The following ARHGAP32 variants were observed in gnomAD, a reference collection of about 807,000 sequenced individuals.
The protein encoded by ARHGAP32 is rho GTPase-activating protein 32.
ARHGAP32 carries 51 observed loss-of-function variants against 186.5 expected under a neutral mutation model. The ratio of observed to expected loss-of-function variants is 0.27; its 90% CI spans 0.22 to 0.35. The LOEUF is 0.35. Among genes scored for constraint, ARHGAP32 ranks in the 10% least tolerant of loss-of-function variants. The probability of loss-of-function intolerance (pLI) is 1.00; values close to 1 mark genes in which losing one functional copy is unlikely to be tolerated. For synonymous variants in ARHGAP32, 950 were observed against 964.3 expected, an observed-to-expected ratio of 0.99 and a Z score of 0.27; for missense variants, 2,186 against 2,623.5, an observed-to-expected ratio of 0.83 and a Z score of 3.64.
intron 2 of ARHGAP32, among the ~76,000 whole-genome samples, chr11:129,159,722 G>T (rs941390692): frequency 2.0e-5 from 3 of 152,100 alleles, no homozygotes; most frequent in Non-Finnish European, 4.4e-5. Flanking sequence ...CTCATTTCAT[G>T]AGGCCAACAT....
At chr11:129,082,877 A>C (rs1002818086) in intron 6 of ARHGAP32, among the ~76,000 whole-genome samples, 6 of 151,882 alleles carry the variant, frequency 4.0e-5, no homozygotes, top group African/African-American at 1.5e-4. Flanking sequence ...TAAATCAGCA[A>C]GACAAAACAA....
At chr11:129,229,990 ATTTTT>A (rs1944836564) in intron 1 of ARHGAP32, among the ~76,000 whole-genome samples, 1 of 151,712 alleles carries the variant, frequency 6.6e-6, no homozygotes, top group Non-Finnish European at 1.5e-5. Flanking sequence ...AATTTTTGTA[ATTTTT>A]ATAGAGACAA....
intron 1 of ARHGAP32, among the ~76,000 whole-genome samples, chr11:129,167,033 G>A (rs916451421): frequency 2.6e-5 from 4 of 151,918 alleles, no homozygotes; most frequent in East Asian, 1.9e-4. Context: ...CTAGAAGAAC[G>A]AGAAATAAAT....
chr11:129,130,124 G>A (rs1942776206), intron 2 of ARHGAP32, among the ~76,000 whole-genome samples: 1 of 152,068 alleles, frequency 6.6e-6, no homozygotes, highest in Non-Finnish European at 1.5e-5. Flanking sequence ...AAGACAAAGT[G>A]CCACTGGAGT....
At chr11:129,121,626 A>G (rs1942533087) in intron 5 of ARHGAP32, among the ~76,000 whole-genome samples, 1 of 152,024 alleles carries the variant, frequency 6.6e-6, no homozygotes, top group African/African-American at 2.4e-5. Context: ...TCTCACTCAT[A>G]CACCTCATAC....
At chr11:129,084,854 CT>C (rs756897691) in intron 6 of ARHGAP32, among the ~76,000 whole-genome samples, 7 of 152,170 alleles carry the variant, frequency 4.6e-5, no homozygotes, top group Admixed American at 3.9e-4. Flanking sequence ...AGGAATAAAA[CT>C]TTGTTTGCAG....
intron 11 of ARHGAP32, among the ~76,000 whole-genome samples, chr11:129,010,883 T>C (rs1272752896): frequency 6.6e-6 from 1 of 152,192 alleles, no homozygotes; most frequent in Non-Finnish European, 1.5e-5. Context: ...ATGAAAATAA[T>C]TGTCAAATTT....
At chr11:129,203,227 T>A (rs1259391471) in intron 1 of ARHGAP32, among the ~76,000 whole-genome samples, 3 of 151,296 alleles carry the variant, frequency 2.0e-5, no homozygotes, top group Non-Finnish European at 4.4e-5. Flanking sequence ...TAAGCAACCA[T>A]CTTATCAGTC....
In ARHGAP32 at chr11:128,970,510, C is replaced by G. The variant is rs566484718; in HGVS notation, c.4703G>C (p.Arg1568Pro). 3 of 1,614,094 alleles carry G rather than the reference C, an allele frequency of 1.9e-6. No individual in the cohort carries two copies. Among genetic ancestry groups the G allele is most frequent in the Non-Finnish European group, 2.5e-6 (3 of 1,180,000 alleles). ...GCTCAAAGAAGACACATACTCGACC[C>G]GGCTGCATGGCTTGGAGTGGTGTCC... is the stretch of plus-strand genomic sequence containing the variant. ...ASGHHSKPCS[R>P]VEYVSSLSSS... The change falls in exon 23 of 23, where the codon CGG becomes CCG. Residue 1568 changes from arginine to proline, a missense_variant. Transcript: ENST00000682385. The surrounding 1 kb of genome is among the most constrained non-coding windows in gnomAD (Gnocchi z 5.8).
At chr11:128,994,496 T>C (rs1054221963) in intron 12 of ARHGAP32, among the ~76,000 whole-genome samples, 5 of 152,128 alleles carry the variant, frequency 3.3e-5, no homozygotes, top group Non-Finnish European at 7.4e-5. Flanking sequence ...AGGTTTAACA[T>C]GTTACATGGT....
In ARHGAP32 at chr11:129,253,426, C is replaced by G. The variant is rs187575397; in HGVS notation, c.-5+25720G>C. On this transcript the variant is annotated intron_variant, in intron 1 of 6. Transcript: ENST00000525234. ...TTTATTTTAGATGCTCTTGTTTCCACAAGCACTCATAAACAGAGCCACAAT... is the reference window on the plus strand; with the variant it reads ...TTTATTTTAGATGCTCTTGTTTCCAGAAGCACTCATAAACAGAGCCACAAT... 2.0e-5 allele frequency among the ~76,000 whole-genome samples: 3 copies of G among 152,248 alleles called. No individual in the cohort carries two copies. The East Asian group carries it at 5.8e-4, about 29-fold the overall frequency.
intron 1 of ARHGAP32, among the ~76,000 whole-genome samples, chr11:129,216,099 C>T (rs1474589480): frequency 6.6e-6 from 1 of 152,090 alleles, no homozygotes; most frequent in African/African-American, 2.4e-5. Flanking sequence ...CGAGCACAAC[C>T]CTGCCCACAC....
intron 8 of ARHGAP32, 38 bp downstream of exon 8, chr11:129,064,803 A>T: frequency 6.9e-7 from 1 of 1,448,524 alleles, no homozygotes; most frequent in Non-Finnish European, 9.5e-7. Context: ...TAGATAATTT[A>T]AATATACATT....
chr11:128,986,317 G>C (rs1207315449), intron 14 of ARHGAP32, among the ~76,000 whole-genome samples: 1 of 152,178 alleles, frequency 6.6e-6, no homozygotes, highest in Admixed American at 6.5e-5. Context: ...AGTGTGACAA[G>C]ACTAGCAGCT....
chr11:129,133,162 A>G (rs1374916713), intron 2 of ARHGAP32, among the ~76,000 whole-genome samples: 1 of 152,142 alleles, frequency 6.6e-6, no homozygotes, highest in African/African-American at 2.4e-5. Flanking sequence ...AGGAAGAGTG[A>G]CAGAGAAAAG....
intron 6 of ARHGAP32, among the ~76,000 whole-genome samples, chr11:129,071,740 A>T (rs1189697369): frequency 6.6e-6 from 1 of 152,194 alleles, no homozygotes; most frequent in East Asian, 1.9e-4. Flanking sequence ...TGAAATCAGT[A>T]TATCAAGAAG....
intron 6 of ARHGAP32, among the ~76,000 whole-genome samples, chr11:129,085,962 C>G (rs1332727465): frequency 6.6e-6 from 1 of 151,396 alleles, no homozygotes; most frequent in African/African-American, 2.4e-5. Flanking sequence ...ACACTGCACT[C>G]CAGCCTGGGC....
intron 1 of ARHGAP32, among the ~76,000 whole-genome samples, chr11:129,188,813 G>C (rs970131593): frequency 7.2e-5 from 11 of 152,070 alleles, no homozygotes; most frequent in African/African-American, 1.4e-4. Context: ...AGCGATCTGG[G>C]CATCTACAGA....
chr11:129,169,381 C>G (rs1318994052), intron 1 of ARHGAP32, among the ~76,000 whole-genome samples: 1 of 151,992 alleles, frequency 6.6e-6, no homozygotes, highest in Non-Finnish European at 1.5e-5. Context: ...GCTGTAATCC[C>G]AGCACTTTGG....
Sources: allele counts gnomAD v4.1 joint callset (sites outside exome capture counted in the v4.1 genomes callset), GRCh38; gene constraint gnomAD v4.1.1; non-coding constraint Gnocchi (gnomAD v3.1); transcripts MANE v1.5; gene names NCBI Gene and HGNC (gene_info 2026-07-23, HGNC 2026-07-21).